RPS6KA5: variants seen among roughly 807,000 people sequenced by gnomAD.
The protein encoded by RPS6KA5 is ribosomal protein S6 kinase alpha-5.
Under a neutral mutation model 85.5 loss-of-function variants are expected in RPS6KA5, and 27 were observed. The observed-to-expected ratio is 0.32, with a 90% CI of 0.23 to 0.44. RPS6KA5 has a LOEUF of 0.44. Ranked by LOEUF, RPS6KA5 falls within the 20% of genes least tolerant of loss-of-function variation. The probability of loss-of-function intolerance (pLI) is 1.00; values close to 1 mark genes in which losing one functional copy is unlikely to be tolerated. For missense variants in RPS6KA5, 811 were observed against 980.9 expected, an observed-to-expected ratio of 0.83 and a Z score of 2.31; for synonymous variants, 334 against 348.2, an observed-to-expected ratio of 0.96 and a Z score of 0.46.
At chr14:90,912,522 T>G (rs1013226648) in intron 7 of RPS6KA5, among the ~76,000 whole-genome samples, 4 of 152,208 alleles carry the variant, frequency 2.6e-5, no homozygotes, top group African/African-American at 9.6e-5. Flanking sequence ...CTACCACTTA[T>G]TTTTCAGGGT....
chr14:90,875,822 T>C (rs562829536), intron 14 of RPS6KA5, among the ~76,000 whole-genome samples: 17 of 146,786 alleles, frequency 1.2e-4, no homozygotes, highest in African/African-American at 3.3e-4. Flanking sequence ...AAACACCACA[T>C]GTTCTCACTC....
intron 1 of RPS6KA5, among the ~76,000 whole-genome samples, chr14:91,047,049 A>G (rs1255719496): frequency 1.3e-5 from 1 of 75,590 alleles, no homozygotes; most frequent in Admixed American, 1.1e-4. Context: ...CCTGTCTCCA[A>G]AAAAAAAAAA....
At chr14:90,989,356 T>A (rs1176472652) in intron 2 of RPS6KA5, among the ~76,000 whole-genome samples, 2 of 152,232 alleles carry the variant, frequency 1.3e-5, no homozygotes, top group Non-Finnish European at 2.9e-5. Context: ...TCTACAACCG[T>A]GTGAAAGCAC....
chr14:90,998,017 A>G (rs1434291819), intron 2 of RPS6KA5, among the ~76,000 whole-genome samples: 1 of 151,194 alleles, frequency 6.6e-6, no homozygotes, highest in Non-Finnish European at 1.5e-5. Flanking sequence ...GAAAAAAAAA[A>G]AAAAAAAAAA....
At chr14:91,047,945 C>A (rs770927223) in intron 1 of RPS6KA5, among the ~76,000 whole-genome samples, 1 of 152,214 alleles carries the variant, frequency 6.6e-6, no homozygotes, top group Non-Finnish European at 1.5e-5. Context: ...CTCTGGCCCT[C>A]CTGTCTCCCT....
At chr14:91,012,747 C>G (rs77895369) in intron 1 of RPS6KA5, among the ~76,000 whole-genome samples, 3,223 of 152,318 alleles carry the variant, frequency 0.021, 47 homozygotes, top group Middle Eastern at 0.044. Flanking sequence ...GTTCAAAAAG[C>G]ATTCCTTAGC....
chr14:90,896,150 C>T (rs902408207), intron 12 of RPS6KA5, among the ~76,000 whole-genome samples: 3 of 152,194 alleles, frequency 2.0e-5, no homozygotes, highest in Admixed American at 6.5e-5. Flanking sequence ...TCCCAGCCTA[C>T]TAGACATCAA....
Position 90,900,112 on chromosome 14 carries a change from T to G in RPS6KA5, c.1375A>C (p.Lys459Gln), listed in dbSNP as rs201610483. Reference protein sequence around the residue: ...NQAFAVKIISKRMEANTQKEI... With the variant: ...NQAFAVKIISQRMEANTQKEI... ...TTATATTAAAAATGGTCATACCTTT[T>G]GCTGATTATTTTGACTGCAAAAGCT... The change falls in exon 11 of 17, where the codon AAA (lysine) becomes CAA (glutamine). Residue 459 changes from lysine (K) to glutamine (Q), a missense_variant. By Grantham distance (53) the Lys-to-Gln change is moderately conservative. Coordinates refer to ENST00000614987, the MANE Select transcript of RPS6KA5 (RefSeq NM_004755.4). 1.9e-6 allele frequency: 3 copies of G among 1,597,114 alleles called. No homozygotes were observed. In the East Asian group the frequency reaches 6.8e-5, roughly 36 times the overall value.
At chr14:90,894,642 T>C (rs1386473626) in intron 12 of RPS6KA5, 59 bp from the exon 13 acceptor site, 19 of 1,551,826 alleles carry the variant, frequency 1.2e-5, no homozygotes, top group Middle Eastern at 3.4e-4. Flanking sequence ...TCTATTAACA[T>C]ATAAAACATT....
Position 91,044,596 on chromosome 14 carries a change from G to A in RPS6KA5, c.103+15736C>T, listed in dbSNP as rs1046498278. ...GGATTAAAGATTGAAGACCCAGGCT[G>A]GGTGCGGTGGCTCACGCCTGTAATT... is the stretch of plus-strand genomic sequence containing the variant. On this transcript the variant is annotated intron_variant, in intron 1 of 16. Transcript: ENST00000614987. Among the ~76,000 whole-genome samples the A allele has an allele frequency of 2.0e-5, 3 of 152,066 alleles. No homozygotes were observed. In the East Asian group the frequency reaches 5.8e-4, roughly 29 times the overall value.
At chr14:91,037,978 T>C (rs2042467618) in intron 1 of RPS6KA5, among the ~76,000 whole-genome samples, 1 of 152,166 alleles carries the variant, frequency 6.6e-6, no homozygotes, top group African/African-American at 2.4e-5. Flanking sequence ...TATGCTGAGA[T>C]TGTGTCTAGC....
At chr14:91,033,154 C>T (rs1469323892) in intron 1 of RPS6KA5, among the ~76,000 whole-genome samples, 7 of 147,786 alleles carry the variant, frequency 4.7e-5, no homozygotes, top group Admixed American at 4.7e-4. Flanking sequence ...GGCGCCACTG[C>T]ACTCCAGCCT....
intron 8 of RPS6KA5, 152 bp downstream of exon 8, chr14:90,905,997 A>AAAAAC (rs923456177): frequency 1.6e-5 from 11 of 700,756 alleles, no homozygotes; most frequent in African/African-American, 7.1e-5. Flanking sequence ...CCCTATCATT[A>AAAAAC]AAAACAAAAC....
intron 14 of RPS6KA5, among the ~76,000 whole-genome samples, chr14:90,886,679 G>A (rs895748950): frequency 2.3e-4 from 35 of 152,212 alleles, no homozygotes; most frequent in African/African-American, 7.2e-4. Context: ...CATCTGGTTC[G>A]TAAGACCACC....
chr14:91,042,415 G>A (rs1281857035), intron 1 of RPS6KA5, among the ~76,000 whole-genome samples: 18 of 152,114 alleles, frequency 1.2e-4, no homozygotes, highest in South Asian at 2.1e-4. Context: ...CGGAGGCTGA[G>A]GCAGAGAATT....
At chr14:90,979,218 T>C (rs1307969852) in intron 2 of RPS6KA5, among the ~76,000 whole-genome samples, 2 of 152,216 alleles carry the variant, frequency 1.3e-5, no homozygotes, top group Non-Finnish European at 2.9e-5. Flanking sequence ...ATTGGGGCCA[T>C]GTGGGCACTG....
Position 90,940,367 on chromosome 14 carries a change from A to G in RPS6KA5, c.618+2711T>C, listed in dbSNP as rs2037503720. On this transcript the variant is annotated intron_variant, in intron 5 of 16. Coordinates refer to ENST00000614987, the MANE Select transcript of RPS6KA5 (RefSeq NM_004755.4). ...GATGATGGTATTTGACTGGATCTCC[A>G]TCATCCCCTTGAAGGGTGGCTGTTG... Among the ~76,000 whole-genome samples the G allele has an allele frequency of 2.6e-5, 4 of 152,294 alleles. No homozygotes were observed. The South Asian group carries it at 8.3e-4, about 32-fold the overall frequency.
At chr14:90,964,112 G>T (rs2038941631) in intron 3 of RPS6KA5, among the ~76,000 whole-genome samples, 1 of 152,086 alleles carries the variant, frequency 6.6e-6, no homozygotes, top group East Asian at 1.9e-4. Context: ...ATTGAAAGGG[G>T]TCAAAAAATA....
intron 14 of RPS6KA5, among the ~76,000 whole-genome samples, chr14:90,885,380 C>G (rs1374507012): frequency 2.7e-5 from 4 of 150,868 alleles, no homozygotes; most frequent in South Asian, 2.1e-4. Context: ...GGTGAAACCT[C>G]GTCTCTACTA....
Sources: gnomAD v4.1 joint callset for allele counts (sites outside exome capture counted in the v4.1 genomes callset) on GRCh38, gnomAD v4.1.1 for gene constraint, MANE v1.5 for transcripts, NCBI Gene and HGNC (gene_info 2026-07-23, HGNC 2026-07-21) for gene names.